The following SATB2 variants were observed in gnomAD, a reference collection of about 807,000 sequenced individuals.
SATB2 encodes the protein SATB homeobox 2.
A neutral mutation model predicts 73.4 loss-of-function variants in SATB2; 1 was observed. That is an observed-to-expected ratio of 0.01 (90% CI 0.00 to 0.06). The LOEUF is 0.06. SATB2 is among the 10% of genes least tolerant of loss of function. SATB2 has a pLI of 1.00. For synonymous variants in SATB2, 397 were observed against 367.0 expected, an observed-to-expected ratio of 1.08 and a Z score of -0.93; for missense variants, 459 against 945.8, an observed-to-expected ratio of 0.49 and a Z score of 6.75.
Position 199,368,693 on chromosome 2 carries a change from G to A in SATB2, c.612C>T (p.Ser204=), listed in dbSNP as rs2105850112. ...ECPLSQSMIS[S]IVNSTYYANV... Reference sequence around the variant, plus strand: ...TGGCATAATATGTGCTATTTACAATGGATGAAATCATACTCTGAAAAAAAA... The same window carrying A: ...TGGCATAATATGTGCTATTTACAATAGATGAAATCATACTCTGAAAAAAAA... Residue 204 remains serine (S), a synonymous_variant, in exon 6 of 11, where the codon TCC becomes TCT. Transcript: ENST00000417098. 1.3e-6 allele frequency: 2 copies of A among 1,599,636 alleles called. No homozygotes were observed. The highest frequency in any genetic ancestry group is 1.7e-6 in the Non-Finnish European group (2 of 1,167,858).
At chr2:199,316,527 T>C (rs1275527628) in intron 9 of SATB2, among the ~76,000 whole-genome samples, 1 of 152,148 alleles carries the variant, frequency 6.6e-6, no homozygotes, top group Non-Finnish European at 1.5e-5. Flanking sequence ...AACTGTATTT[T>C]TACAGGGACC....
At chr2:199,355,003 A>G (rs1213038695) in intron 6 of SATB2, among the ~76,000 whole-genome samples, 1 of 152,094 alleles carries the variant, frequency 6.6e-6, no homozygotes, top group Non-Finnish European at 1.5e-5. Flanking sequence ...TCAGGAATTT[A>G]CCTGCATTAC....
intron 5 of SATB2, among the ~76,000 whole-genome samples, chr2:199,371,071 G>A (rs999134720): frequency 2.6e-5 from 4 of 151,484 alleles, no homozygotes; most frequent in Non-Finnish European, 5.9e-5. Context: ...TCTTTATATA[G>A]AACTAATACC....
At chr2:199,440,190 C>G (rs1691774442) in intron 2 of SATB2, among the ~76,000 whole-genome samples, 1 of 152,190 alleles carries the variant, frequency 6.6e-6, no homozygotes, top group Non-Finnish European at 1.5e-5. Context: ...TGTTTCTCAC[C>G]TCCCTGTTGG....
chr2:199,370,787 C>T (rs545546559), intron 5 of SATB2, among the ~76,000 whole-genome samples: 23 of 152,160 alleles, frequency 1.5e-4, no homozygotes, highest in African/African-American at 5.3e-4. Flanking sequence ...CTACTGGCTC[C>T]GTCGGCAGGT....
chr2:199,362,318 T>A (rs1280747831), intron 6 of SATB2, among the ~76,000 whole-genome samples: 1 of 151,992 alleles, frequency 6.6e-6, no homozygotes, highest in African/African-American at 2.4e-5. Context: ...ACTCCACTTG[T>A]CCTTAAGGTA....
chr2:199,329,419 T>C (rs1195393594), intron 7 of SATB2: 4 of 105,410 alleles, frequency 3.8e-5, no homozygotes, highest in African/African-American at 1.0e-4. Flanking sequence ...AATAGAGATA[T>C]TTCTTATGCA....
rs540549773 is a variant in SATB2 at position 199,408,710 on chromosome 2, G to C, written c.346+24628C>G. Among the ~76,000 whole-genome samples, 17 of 151,964 alleles carry C rather than the reference G, an allele frequency of 1.1e-4. No individual in the cohort carries two copies. The East Asian group carries it at 3.3e-3, about 29-fold the overall frequency. On this transcript the variant is annotated intron_variant, in intron 3 of 10. Transcript: ENST00000417098. ...AAAAAAAAAATAGAGTCTTAGGGAG[G>C]GCATGATCTTAGTTTCCAAATATCT... is the stretch of plus-strand genomic sequence containing the variant.
chr2:199,305,861 C>T (rs1687417929), intron 10 of SATB2, among the ~76,000 whole-genome samples: 1 of 152,066 alleles, frequency 6.6e-6, no homozygotes, highest in South Asian at 2.1e-4. Context: ...AAATGGCATG[C>T]TTCCATGACC....
At chr2:199,324,038 T>C (rs1574506333) in intron 8 of SATB2, 80 bp from the exon 9 acceptor site, 2 of 1,491,310 alleles carry the variant, frequency 1.3e-6, no homozygotes, top group East Asian at 4.5e-5. Context: ...ATCAAAGGAT[T>C]TCAGTCAGCT....
chr2:199,413,846 T>C (rs1358325347), intron 3 of SATB2, among the ~76,000 whole-genome samples: 1 of 152,118 alleles, frequency 6.6e-6, no homozygotes, highest in South Asian at 2.1e-4. Flanking sequence ...CCCAGGTCCC[T>C]GGCGGCATTG....
chr2:199,366,368 C>CACAGCA (rs1263132680), intron 6 of SATB2, among the ~76,000 whole-genome samples: 1 of 151,974 alleles, frequency 6.6e-6, no homozygotes, highest in Non-Finnish European at 1.5e-5. Context: ...TAGAAACTCC[C>CACAGCA]ACAGCAACAT....
intron 6 of SATB2, among the ~76,000 whole-genome samples, chr2:199,349,803 T>A (rs2105824537): frequency 6.6e-6 from 1 of 152,312 alleles, no homozygotes; most frequent in South Asian, 2.1e-4. Context: ...ATTAATAACA[T>A]CACCTCAACT....
intron 2 of SATB2, among the ~76,000 whole-genome samples, chr2:199,446,273 A>T (rs1231587361): frequency 1.3e-5 from 2 of 152,356 alleles, no homozygotes; most frequent in African/African-American, 4.8e-5. Context: ...GGAGAGGGAC[A>T]GAAAAGAAAA....
In SATB2 at chr2:199,269,808, C is replaced by T. The variant is rs1692100809; in HGVS notation, c.*2403G>A. The T allele has an allele frequency of 6.6e-6, 1 of 152,222 alleles. No homozygotes were observed. The highest frequency in any genetic ancestry group is 1.5e-5 in the Non-Finnish European group (1 of 67,990). 9.4% of individuals were successfully genotyped at this position (152,222 alleles called of 1,614,324 possible). ...GATATTGAATAAATAGACATATATG[C>T]ATTGTAATTCGCAAAGATCTGGCAA... On this transcript the variant is annotated 3_prime_UTR_variant, in exon 11 of 11. Coordinates refer to ENST00000417098, the MANE Select transcript of SATB2 (RefSeq NM_001172509.2).
rs989153567 is a variant in SATB2, at chr2:199,457,114, T to C, written c.-60+225A>G. 6.6e-6 allele frequency among the ~76,000 whole-genome samples: 1 copy of C among 152,078 alleles called. No individual in the cohort carries two copies. Among genetic ancestry groups the C allele is most frequent in the South Asian group, 2.1e-4 (1 of 4,820 alleles). On this transcript the variant is annotated intron_variant, in intron 1 of 10. Coordinates refer to ENST00000417098, the MANE Select transcript of SATB2 (RefSeq NM_001172509.2). This position sits in a 1 kb window ranked among gnomAD's most constrained non-coding sequence, Gnocchi z 4.8. ...GTGGGCGCTCTGGCCGCGCGAGCAG[T>C]GTCGGCGCCACGGGTCAAGGAGACA... is the stretch of plus-strand genomic sequence containing the variant.
At chr2:199,393,799 T>C (rs1001781438) in intron 3 of SATB2, among the ~76,000 whole-genome samples, 1 of 152,290 alleles carries the variant, frequency 6.6e-6, no homozygotes, top group East Asian at 1.9e-4. Context: ...ATTTTTAAAA[T>C]TTCAAAGTAT....
At chr2:199,429,193 C>T (rs1691426903) in intron 3 of SATB2, among the ~76,000 whole-genome samples, 1 of 151,988 alleles carries the variant, frequency 6.6e-6, no homozygotes, top group South Asian at 2.1e-4. Flanking sequence ...ATGAAGTGAA[C>T]AGCTTATCAA....
At chr2:199,450,086 G>A (rs546294024) in intron 2 of SATB2, among the ~76,000 whole-genome samples, 1 of 152,168 alleles carries the variant, frequency 6.6e-6, no homozygotes, top group Admixed American at 6.5e-5. Context: ...CTTGGGGAGT[G>A]GGGGAGACGG....
Sources: allele counts gnomAD v4.1 joint callset (sites outside exome capture counted in the v4.1 genomes callset), GRCh38; gene constraint gnomAD v4.1.1; non-coding constraint Gnocchi (gnomAD v3.1); transcripts MANE v1.5; gene names NCBI Gene and HGNC (gene_info 2026-07-23, HGNC 2026-07-21).